Variants in VSX1 observed in about 807,000 individuals in gnomAD.
VSX1 encodes the protein visual system homeobox 1, also known as homeodomain protein RINX.
Under a neutral mutation model 23.6 loss-of-function variants are expected in VSX1, and 23 were observed. The ratio of observed to expected loss-of-function variants is 0.97; its 90% CI spans 0.70 to 1.38. VSX1 has a LOEUF of 1.38. VSX1 is among the 40% of genes most tolerant of loss of function. VSX1 has a pLI of 0.00. For synonymous variants in VSX1, 247 were observed against 215.1 expected (o/e 1.15, Z -1.30); for missense variants, 517 against 495.4 (o/e 1.04, Z -0.41).
At chr20:25,081,359 GA>G in intron 1 of VSX1, 13 of 645,202 alleles carry the variant, frequency 2.0e-5, no homozygotes, top group East Asian at 3.3e-5. Context: ...GCGCTGGGGG[GA>G]AAAATGGCCC....
rs1482334462 is a variant in VSX1 at position 25,078,671 on chromosome 20, G to T, written c.627+158C>A. The T allele has an allele frequency of 8.1e-6, 13 of 1,596,972 alleles. No individual in the cohort carries two copies. The East Asian group carries it at 2.9e-4, about 36-fold the overall frequency. ...ATGAAAAAAGGCATGAGGGTCATAG[G>T]GGCAAGCTCTTGTGGTGCCTTCAGC... On this transcript the variant is annotated intron_variant, in intron 3 of 4. Coordinates refer to ENST00000376709, the MANE Select transcript of VSX1 (RefSeq NM_014588.6).
downstream of VSX1, chr20:25,070,895 T>C (rs774120272): frequency 5.7e-5 from 23 of 404,350 alleles, no homozygotes; most frequent in South Asian, 4.3e-4. Flanking sequence ...TTTTTGTCAA[T>C]TAAAATTTAA....
At chr20:25,071,319 G>T (rs1400538386), downstream of VSX1, 1 of 454,084 alleles carries the variant, frequency 2.2e-6, no homozygotes, top group Non-Finnish European at 4.4e-6. Context: ...GAACTCTTAA[G>T]TTGGAGTAGC....
chr20:25,076,061 C>A lies in VSX1; in HGVS notation c.*200G>T, dbSNP rs75590263. ...AACTGGTTAAAGTGCCATTAAGGAA[C>A]CGTTTCCATTCTAGAATGAAATAGA... is the stretch of plus-strand genomic sequence containing the variant. On this transcript the variant is annotated 3_prime_UTR_variant, in exon 5 of 5. Transcript: ENST00000376709. 0.013 allele frequency: 9,328 copies of A among 692,238 alleles called. 90 individuals carry two copies. Among genetic ancestry groups the A allele is most frequent in the Admixed American group, 0.018 (617 of 35,090 alleles). 42.9% of individuals were successfully genotyped at this position (692,238 alleles called of 1,614,324 possible).
rs1168600867 is a variant in VSX1 at position 25,082,040 on chromosome 20, AG to A, written c.56del (p.Pro19LeufsTer85). The A allele has an allele frequency of 1.2e-5, 19 of 1,537,676 alleles. No individual in the cohort carries two copies. Among genetic ancestry groups the A allele is most frequent in the Non-Finnish European group, 1.6e-5 (18 of 1,148,144 alleles). On this transcript the variant is annotated frameshift_variant, in exon 1 of 5. Transcript: ENST00000376709. LOFTEE classifies it high-confidence loss of function. ...DGRTSSRALV[P>X]GGSPRGSRPR... ...GGCGCGAGCCCCTAGGGGAACCGCC[AG>A]GCACCAGCGCCCTGCTGCTAGTGCG...
intron 1 of VSX1, 135 bp downstream of exon 1, chr20:25,081,538 G>C: frequency 2.2e-6 from 3 of 1,349,690 alleles, no homozygotes; most frequent in East Asian, 4.6e-5. Context: ...CTCCCGCGAC[G>C]GGGCCTCGCT....
chr20:25,081,536 AC>A (rs1447346722), intron 1 of VSX1, 136 bp downstream of exon 1: 1 of 1,330,080 alleles, frequency 7.5e-7, no homozygotes, highest in African/African-American at 1.4e-5. Context: ...CCCTCCCGCG[AC>A]GGGGCCTCGC....
At chr20:25,074,947 G>A (rs150529129), downstream of VSX1, among the ~76,000 whole-genome samples, 1 of 152,200 alleles carries the variant, frequency 6.6e-6, no homozygotes, top group African/African-American at 2.4e-5. Context: ...GCAGTCTCAG[G>A]CCTCAGTTAT....
At chr20:25,078,509 G>A in intron 3 of VSX1, 3 of 1,301,942 alleles carry the variant, frequency 2.3e-6, no homozygotes, top group Non-Finnish European at 2.9e-6. Flanking sequence ...AGGCATTTGT[G>A]TTGATTTCTT....
At position 25,075,596 on chromosome 20, in the gene VSX1, T is replaced by TGACCTAAAAACACTGTTTCCAGC. The variant is rs1376983078; in HGVS notation, c.*642_*664dup. 1 of 152,484 alleles carries TGACCTAAAAACACTGTTTCCAGC rather than the reference T, an allele frequency of 6.6e-6. No individual in the cohort carries two copies. The highest frequency in any genetic ancestry group is 1.5e-5 in the Non-Finnish European group (1 of 68,052). 9.4% of individuals were successfully genotyped at this position (152,484 alleles called of 1,614,324 possible). On this transcript the variant is annotated 3_prime_UTR_variant, in exon 5 of 5. Transcript: ENST00000376709. ...ATTTTGAAAGACCAAAAGCCTGGTC[T>TGACCTAAAAACACTGTTTCCAGC]GACCTAAAAACACTGTTTCCAGCTA... is the stretch of plus-strand genomic sequence containing the variant.
At chr20:25,070,926 A>G (rs141583161), downstream of VSX1, 108 of 424,522 alleles carry the variant, frequency 2.5e-4, 1 homozygote, top group African/African-American at 2.1e-3. Context: ...TAAAGAAAGA[A>G]TGAAAAGGAG....
rs906798322 is a variant in VSX1 at position 25,081,726 on chromosome 20, C to T, written c.371G>A (p.Arg124His). 9 of 1,500,200 alleles carry T rather than the reference C, an allele frequency of 6.0e-6. No individual in the cohort carries two copies. In the African/African-American group the frequency reaches 7.2e-5, roughly 12 times the overall value. 92.9% of individuals were successfully genotyped at this position (1,500,200 alleles called of 1,614,324 possible). ...PEPAAPLAPSRPPPALGRQKR... is the reference protein window; with the variant it reads ...PEPAAPLAPSHPPPALGRQKR... ...CTGGCGGCCGAGCGCAGGCGGCGGACGGCTGGGAGCCAGCGGGGCAGCGGG... is the reference window on the plus strand; with the variant it reads ...CTGGCGGCCGAGCGCAGGCGGCGGATGGCTGGGAGCCAGCGGGGCAGCGGG... Residue 124 changes from arginine (R) to histidine (H), a missense_variant, in exon 1 of 5, where the codon CGT becomes CAT. Arg to His is a conservative substitution (Grantham distance 29). Transcript: ENST00000376709.
At position 25,076,254 on chromosome 20, in the gene VSX1, G is replaced by T; in HGVS notation, c.*7C>A. 1.2e-6 allele frequency: 2 copies of T among 1,614,010 alleles called. No homozygotes were observed. Among genetic ancestry groups the T allele is most frequent in the Non-Finnish European group, 1.7e-6 (2 of 1,180,038 alleles). Reference sequence around the variant, plus strand: ...TTTTCAGCCTTTGACAGTGGGACCTGTGGGTCTCATGTGGCTCCCACCTTC... The same window carrying T: ...TTTTCAGCCTTTGACAGTGGGACCTTTGGGTCTCATGTGGCTCCCACCTTC... On this transcript the variant is annotated 3_prime_UTR_variant, in exon 5 of 5. Transcript: ENST00000376709.
At chr20:25,074,104 A>G (rs1270562767), downstream of VSX1, among the ~76,000 whole-genome samples, 2 of 152,236 alleles carry the variant, frequency 1.3e-5, no homozygotes, top group African/African-American at 4.8e-5. Flanking sequence ...TAGAAATGCC[A>G]ATAATTACAG....
chr20:25,076,615 A>G, intron 4 of VSX1, 65 bp from the exon 5 acceptor site: 1 of 1,515,756 alleles, frequency 6.6e-7, no homozygotes, highest in Non-Finnish European at 8.9e-7. Flanking sequence ...AATGAAGTAA[A>G]TTTCCTTCTT....
At chr20:25,081,420 C>T (rs751367456) in intron 1 of VSX1, 2 of 756,784 alleles carry the variant, frequency 2.6e-6, no homozygotes, top group African/African-American at 1.7e-5. Flanking sequence ...AGGTTCCACC[C>T]GGAACCAGGT....
chr20:25,077,405 C>G (rs1029357978), intron 4 of VSX1, among the ~76,000 whole-genome samples: 1 of 152,174 alleles, frequency 6.6e-6, no homozygotes. Flanking sequence ...GCTGTTAATG[C>G]AATGATGTCA....
Position 25,077,729 on chromosome 20 carries a change from G to T in VSX1, c.764C>A (p.Ser255Tyr). 6.4e-7 allele frequency: 1 copy of T among 1,550,388 alleles called. No individual in the cohort carries two copies. The highest frequency in any genetic ancestry group is 8.7e-7 in the Non-Finnish European group (1 of 1,146,906). Reference protein sequence around the residue: ...CIPLPDSVLNSAEGGLLGSCA... With the variant: ...CIPLPDSVLNYAEGGLLGSCA... ...GGAGCCCAGCAGGCCGCCCTCGGCG[G>T]AGTTGAGCACGGAGTCTGGCAGCGG... The change falls in exon 4 of 5, where the codon TCC (serine) becomes TAC (tyrosine). Residue 255 changes from serine to tyrosine, a missense_variant. Physicochemically the swap from Ser to Tyr is moderately radical, Grantham distance 144 (BLOSUM62 -2). Coordinates refer to ENST00000376709, the MANE Select transcript of VSX1 (RefSeq NM_014588.6).
intron 1 of VSX1, among the ~76,000 whole-genome samples, chr20:25,081,247 G>A (rs1309673935): frequency 6.6e-6 from 1 of 152,176 alleles, no homozygotes; most frequent in African/African-American, 2.4e-5. Flanking sequence ...GATCATTTCC[G>A]CCCGCGTTTC....
Sources: gnomAD v4.1 joint callset for allele counts (sites outside exome capture counted in the v4.1 genomes callset) on GRCh38, gnomAD v4.1.1 for gene constraint, MANE v1.5 for transcripts, NCBI Gene and HGNC (gene_info 2026-07-23, HGNC 2026-07-21) for gene names.